FAM178B: variants seen among roughly 807,000 people sequenced by gnomAD.
The protein encoded by FAM178B is protein FAM178B.
Under a neutral mutation model 91.7 loss-of-function variants are expected in FAM178B, and 82 were observed. That is an observed-to-expected ratio of 0.89 (90% confidence interval 0.75 to 1.07). The LOEUF (loss-of-function observed/expected upper bound fraction) is 1.07, where lower values mean the gene tolerates loss of function less well. Ranked by LOEUF, FAM178B falls within the 50% of genes least tolerant of loss-of-function variation. FAM178B has a pLI of 0.00. For synonymous variants in FAM178B, 368 were observed against 359.4 expected (o/e 1.02, Z -0.27); for missense variants, 769 against 846.7 (o/e 0.91, Z 1.14).
At chr2:96,882,028 G>C (rs1387370831) in intron 14 of FAM178B, among the ~76,000 whole-genome samples, 1 of 152,158 alleles carries the variant, frequency 6.6e-6, no homozygotes, top group Non-Finnish European at 1.5e-5. Flanking sequence ...GCTGAAGCTG[G>C]GTTCCCAGTA....
At chr2:96,985,687 C>T (rs2082414156) in intron 1 of FAM178B, among the ~76,000 whole-genome samples, 1 of 145,460 alleles carries the variant, frequency 6.9e-6, no homozygotes, top group African/African-American at 2.8e-5. Context: ...TTTTTCAAGA[C>T]GCCTTATTCC....
At chr2:96,923,463 CTGCA>C (rs1376817088) in intron 10 of FAM178B, 23 bp downstream of exon 10, 1 of 1,526,788 alleles carries the variant, frequency 6.5e-7, no homozygotes, top group Non-Finnish European at 8.9e-7. Context: ...CGAGAGTGCC[CTGCA>C]TGAGGCAGGC....
At chr2:96,973,748 C>A (rs1333387518) in intron 1 of FAM178B, among the ~76,000 whole-genome samples, 1 of 152,070 alleles carries the variant, frequency 6.6e-6, no homozygotes, top group African/African-American at 2.4e-5. Context: ...CATCTGTAAT[C>A]CCAGCACTTT....
Position 96,878,459 on chromosome 2 carries a change from G to C in FAM178B, c.1811C>G (p.Ala604Gly). 6.2e-7 allele frequency: 1 copy of C among 1,613,928 alleles called. No homozygotes were observed. The highest frequency in any genetic ancestry group is 8.5e-7 in the Non-Finnish European group (1 of 1,180,010). Residue 604 changes from alanine to glycine, a missense_variant, in exon 15 of 17, where the codon GCC becomes GGC. Physicochemically the swap from Ala to Gly is moderately conservative, Grantham distance 60. Coordinates refer to ENST00000490605, the MANE Select transcript of FAM178B (RefSeq NM_001122646.3). Reference sequence around the variant, plus strand: ...GTCCTGGCAGCTAACAACTACCCCGGCCAGCATCAGCAAGCTGTGGCACAG... The same window carrying C: ...GTCCTGGCAGCTAACAACTACCCCGCCCAGCATCAGCAAGCTGTGGCACAG... ...CYLCHSLLML[A>G]GVVVSCQDIT...
At chr2:96,924,433 C>T (rs752450505) in intron 9 of FAM178B, among the ~76,000 whole-genome samples, 22 of 152,186 alleles carry the variant, frequency 1.4e-4, no homozygotes, top group South Asian at 4.1e-4. Context: ...CCCCGAGTGA[C>T]GGACCCAATC....
chr2:96,950,836 A>G (rs2081912709), intron 7 of FAM178B, among the ~76,000 whole-genome samples: 1 of 152,158 alleles, frequency 6.6e-6, no homozygotes, highest in Non-Finnish European at 1.5e-5. Flanking sequence ...ACAACTGCAC[A>G]CAGGAAGCAC....
intron 8 of FAM178B, among the ~76,000 whole-genome samples, chr2:96,936,084 G>A (rs770281086): frequency 6.6e-5 from 10 of 152,088 alleles, no homozygotes; most frequent in Non-Finnish European, 1.0e-4. Flanking sequence ...AGTGGAGAAT[G>A]AGTATACAGA....
intron 14 of FAM178B, among the ~76,000 whole-genome samples, chr2:96,883,271 C>T (rs561329927): frequency 1.9e-4 from 29 of 152,228 alleles, no homozygotes; most frequent in Admixed American, 5.9e-4. Context: ...TTGTCATAGA[C>T]GAAAGGGAAA....
chr2:96,960,545 C>A, intron 5 of FAM178B, 105 bp from the exon 6 acceptor site: 1 of 1,300,446 alleles, frequency 7.7e-7, no homozygotes, highest in Non-Finnish European at 1.0e-6. Flanking sequence ...GGGCTCCCTG[C>A]CTTGCAGTCC....
At chr2:96,977,440 T>C (rs1574325927) in intron 1 of FAM178B, among the ~76,000 whole-genome samples, 1 of 143,182 alleles carries the variant, frequency 7.0e-6, no homozygotes, top group South Asian at 2.3e-4. Context: ...TGAACGACCG[T>C]GCCTTTTGGG....
chr2:96,939,618 G>A (rs568016325), intron 8 of FAM178B, among the ~76,000 whole-genome samples: 38 of 152,228 alleles, frequency 2.5e-4, no homozygotes, highest in Non-Finnish European at 4.6e-4. Context: ...CCCTGTGGCA[G>A]AAGGAAGATG....
intron 12 of FAM178B, among the ~76,000 whole-genome samples, chr2:96,903,550 G>A (rs1052970233): frequency 2.0e-5 from 3 of 152,206 alleles, no homozygotes; most frequent in African/African-American, 7.2e-5. Flanking sequence ...GTGGCCTCGG[G>A]CTGTGGCTGA....
chr2:96,964,756 A>G (rs1559100591), intron 5 of FAM178B, among the ~76,000 whole-genome samples: 1 of 151,924 alleles, frequency 6.6e-6, no homozygotes, highest in Non-Finnish European at 1.5e-5. Flanking sequence ...CCAGGAGCCC[A>G]CTCCAGTCAG....
chr2:96,947,989 G>A (rs1039915199), intron 7 of FAM178B, 87 bp from the exon 8 acceptor site: 7 of 686,664 alleles, frequency 1.0e-5, no homozygotes, highest in South Asian at 5.1e-5. Context: ...ATTACTCCAC[G>A]TTAAATAAAT....
At chr2:96,931,599 G>A (rs756155771) in intron 8 of FAM178B, among the ~76,000 whole-genome samples, 3 of 152,240 alleles carry the variant, frequency 2.0e-5, no homozygotes, top group South Asian at 4.2e-4. Context: ...AAGCAGGGAG[G>A]GCTGCTGCGG....
At chr2:96,975,908 C>T (rs1167884174) in intron 1 of FAM178B, among the ~76,000 whole-genome samples, 2 of 152,102 alleles carry the variant, frequency 1.3e-5, no homozygotes, top group East Asian at 1.9e-4. Context: ...CCACCGCGCC[C>T]GATCTAATAT....
At position 96,943,036 on chromosome 2, in the gene FAM178B, A is replaced by G. The variant is rs181797216; in HGVS notation, c.1078+4782T>C. On this transcript the variant is annotated intron_variant, in intron 8 of 16. Transcript: ENST00000490605. ...AGACCTAAATTTATGAGCTAAAAGT[A>G]TAAAACTCTTAGAAGAAACCATAGG... Among the ~76,000 whole-genome samples, 438 of 152,366 alleles carry G rather than the reference A, an allele frequency of 2.9e-3. 19 individuals are homozygous for G. In the East Asian group the frequency reaches 0.051, roughly 18 times the overall value.
chr2:96,877,173 T>C (rs1446378134), intron 16 of FAM178B, among the ~76,000 whole-genome samples: 1 of 151,540 alleles, frequency 6.6e-6, no homozygotes, highest in African/African-American at 2.4e-5. Context: ...GGGTAGGGGG[T>C]GTAGTGGAGA....
At chr2:96,916,498 A>AT (rs1042059371) in intron 12 of FAM178B, among the ~76,000 whole-genome samples, 1 of 152,212 alleles carries the variant, frequency 6.6e-6, no homozygotes, top group African/African-American at 2.4e-5. Context: ...AAGGAAGAGG[A>AT]TCCCCAGAGC....
Sources: gnomAD v4.1 joint callset for allele counts (sites outside exome capture counted in the v4.1 genomes callset) on GRCh38, gnomAD v4.1.1 for gene constraint, MANE v1.5 for transcripts, NCBI Gene and HGNC (gene_info 2026-07-23, HGNC 2026-07-21) for gene names.